ANO3: variants seen among roughly 807,000 people sequenced by gnomAD.
ANO3 encodes the protein anoctamin 3, also known as anoctamin-3.
A neutral mutation model predicts 144.8 loss-of-function variants in ANO3; 99 were observed. The observed-to-expected ratio is 0.68, with a 90% CI of 0.58 to 0.81. The LOEUF is 0.81. Ranked by LOEUF, ANO3 falls within the 30% of genes least tolerant of loss-of-function variation. ANO3 has a pLI of 0.00. For synonymous variants in ANO3, 414 were observed against 392.6 expected, an observed-to-expected ratio of 1.05 and a Z score of -0.64; for missense variants, 905 against 1,202.2, an observed-to-expected ratio of 0.75 and a Z score of 3.66.
At chr11:26,322,218 T>C (rs1427581748) in intron 1 of ANO3, among the ~76,000 whole-genome samples, 1 of 152,112 alleles carries the variant, frequency 6.6e-6, no homozygotes, top group Non-Finnish European at 1.5e-5. Context: ...TTTACTAATA[T>C]ACTCATTTTT....
intron 18 of ANO3, among the ~76,000 whole-genome samples, chr11:26,631,624 G>C (rs1162393792): frequency 1.3e-5 from 2 of 152,008 alleles, no homozygotes; most frequent in Non-Finnish European, 2.9e-5. Context: ...AAACACAACT[G>C]AATTTAAAAA....
chr11:26,329,717 G>A (rs1041051702), upstream of ANO3, among the ~76,000 whole-genome samples: 1 of 152,146 alleles, frequency 6.6e-6, no homozygotes, highest in Non-Finnish European at 1.5e-5. Flanking sequence ...TTTGGATCAG[G>A]GAGTAGGTTG....
intron 1 of ANO3, among the ~76,000 whole-genome samples, chr11:26,202,923 A>T (rs940656378): frequency 1.3e-5 from 2 of 152,160 alleles, no homozygotes; most frequent in African/African-American, 4.8e-5. Flanking sequence ...ACACCTGGCC[A>T]TAGTAGCTGT....
chr11:26,453,166 A>G (rs2134041426), intron 3 of ANO3, among the ~76,000 whole-genome samples: 1 of 152,366 alleles, frequency 6.6e-6, no homozygotes, highest in East Asian at 1.9e-4. Context: ...AAGACACTGC[A>G]TCAACTAATG....
At chr11:26,482,182 G>A (rs192652776) in intron 4 of ANO3, among the ~76,000 whole-genome samples, 8 of 152,060 alleles carry the variant, frequency 5.3e-5, no homozygotes, top group Admixed American at 3.3e-4. Context: ...ACAGGTGTGA[G>A]CCACTCCTCC....
chr11:26,516,222 T>G (rs1215558561), intron 5 of ANO3, among the ~76,000 whole-genome samples: 1 of 151,778 alleles, frequency 6.6e-6, no homozygotes, highest in Non-Finnish European at 1.5e-5. Context: ...AAAAACCTTT[T>G]GTCTAGTCAA....
At chr11:26,323,713 C>T (rs543678402) in intron 1 of ANO3, among the ~76,000 whole-genome samples, 14 of 152,126 alleles carry the variant, frequency 9.2e-5, no homozygotes, top group South Asian at 4.2e-4. Context: ...GGACCTAAAA[C>T]GATTTCTCTT....
At chr11:26,441,106 GTTTTTTTTTTTTTTTTT>G (rs1022676698) in intron 1 of ANO3, among the ~76,000 whole-genome samples, 14 of 86,552 alleles carry the variant, frequency 1.6e-4, no homozygotes, top group Admixed American at 1.5e-3. Context: ...TTGCTGCCCA[GTTTTTTTTTTTTTTTTT>G]TTTTTTTTTT....
chr11:26,286,030 G>A (rs970622410), intron 1 of ANO3: 2 of 152,174 alleles, frequency 1.3e-5, no homozygotes, highest in African/African-American at 4.8e-5. Context: ...CCTGACATCA[G>A]ATAAAGTGGC....
chr11:26,505,910 G>C (rs1409667518), intron 4 of ANO3, among the ~76,000 whole-genome samples: 1 of 148,754 alleles, frequency 6.7e-6, no homozygotes, highest in African/African-American at 2.5e-5. Context: ...GGAGAATGGC[G>C]TGAATCCCGG....
At chr11:26,636,629 G>A (rs1437962423) in intron 20 of ANO3, among the ~76,000 whole-genome samples, 9 of 152,196 alleles carry the variant, frequency 5.9e-5, no homozygotes, top group African/African-American at 2.2e-4. Context: ...CCCTACAATT[G>A]TACAAACATA....
At chr11:26,284,252 T>C (rs1405546322) in intron 1 of ANO3, among the ~76,000 whole-genome samples, 1 of 152,148 alleles carries the variant, frequency 6.6e-6, no homozygotes, top group Admixed American at 6.5e-5. Flanking sequence ...ATCCTAATAA[T>C]ACAGGCAAGA....
intron 14 of ANO3, among the ~76,000 whole-genome samples, chr11:26,596,832 C>A (rs1851643081): frequency 6.6e-6 from 1 of 152,202 alleles, no homozygotes; most frequent in African/African-American, 2.4e-5. Flanking sequence ...GTGCAATGAT[C>A]TCCACCGGCC....
chr11:26,420,382 G>T (rs554496488), intron 1 of ANO3, among the ~76,000 whole-genome samples: 1 of 152,086 alleles, frequency 6.6e-6, no homozygotes, highest in South Asian at 2.1e-4. Flanking sequence ...ATCTCCATTT[G>T]TGCCTCCAGA....
intron 14 of ANO3, among the ~76,000 whole-genome samples, chr11:26,575,813 T>C (rs1476359191): frequency 6.6e-6 from 1 of 152,176 alleles, no homozygotes; most frequent in Non-Finnish European, 1.5e-5. Context: ...TTTAAAATAT[T>C]TTCTTGGGTA....
At chr11:26,567,106 A>G in intron 14 of ANO3, 1 of 1,465,844 alleles carries the variant, frequency 6.8e-7, no homozygotes, top group Non-Finnish European at 9.1e-7. Flanking sequence ...TTGCAGATGA[A>G]GAAACTGAAG....
At chr11:26,605,923 T>C (rs1851923060) in intron 17 of ANO3, among the ~76,000 whole-genome samples, 2 of 152,154 alleles carry the variant, frequency 1.3e-5, no homozygotes, top group South Asian at 4.1e-4. Context: ...GGGGTTTTCA[T>C]GTCTCTACCT....
chr11:26,534,622 T>C lies in ANO3; in HGVS notation c.976+60T>C. ...CTGTTACTATTTATACCCAGAATTA[T>C]TGTTTTTTTTAACAGCTGTAGCTTT... On this transcript the variant is annotated intron_variant, in intron 9 of 26. Transcript: ENST00000256737. 23 of 1,228,808 alleles carry C rather than the reference T, an allele frequency of 1.9e-5. No homozygotes were observed. The South Asian group carries it at 2.8e-4, about 15-fold the overall frequency. 76.1% of individuals were successfully genotyped at this position (1,228,808 alleles called of 1,614,324 possible). A position where few individuals can be genotyped will look rare whatever the true frequency, so the allele number is the denominator to read the frequency against.
chr11:26,634,064 AGT>A, intron 18 of ANO3, 138 bp from the exon 19 acceptor site: 1 of 480,770 alleles, frequency 2.1e-6, no homozygotes, highest in Non-Finnish European at 3.6e-6. Context: ...GGCAACAGAG[AGT>A]GAGACTCCAT....
Sources: gnomAD v4.1 joint callset for allele counts (sites outside exome capture counted in the v4.1 genomes callset) on GRCh38, gnomAD v4.1.1 for gene constraint, MANE v1.5 for transcripts, NCBI Gene and HGNC (gene_info 2026-07-23, HGNC 2026-07-21) for gene names.